ANO3: variants seen among roughly 807,000 people sequenced by gnomAD.
ANO3 encodes anoctamin-3.
Under a neutral mutation model 144.8 loss-of-function variants are expected in ANO3, and 99 were observed. That is an observed-to-expected ratio of 0.68 (90% CI 0.58 to 0.81). ANO3 has a LOEUF of 0.81. ANO3 is among the 30% of genes least tolerant of loss of function. ANO3 has a pLI of 0.00. For synonymous variants in ANO3, 414 were observed against 392.6 expected (o/e 1.05, Z -0.64); for missense variants, 905 against 1,202.2 (o/e 0.75, Z 3.66).
chr11:26,494,810 T>A (rs1180179955), intron 4 of ANO3, among the ~76,000 whole-genome samples: 1 of 152,138 alleles, frequency 6.6e-6, no homozygotes, highest in East Asian at 1.9e-4. Flanking sequence ...ACACGTGAGC[T>A]CCAGGAGATC....
intron 1 of ANO3, among the ~76,000 whole-genome samples, chr11:26,250,947 T>C (rs1455315316): frequency 6.6e-6 from 1 of 152,186 alleles, no homozygotes; most frequent in Non-Finnish European, 1.5e-5. Context: ...GGCTAAATCA[T>C]CTAGCAACAT....
intron 14 of ANO3, chr11:26,561,047 G>A (rs767780292): frequency 1.4e-5 from 23 of 1,596,258 alleles, no homozygotes; most frequent in Middle Eastern, 1.7e-4. Context: ...GCTGTTTAAC[G>A]CCTTTTTGCT....
intron 1 of ANO3, among the ~76,000 whole-genome samples, chr11:26,299,946 A>G (rs961756600): frequency 1.2e-4 from 18 of 152,114 alleles, no homozygotes; most frequent in Admixed American, 6.5e-4. Flanking sequence ...GCTAAGAGTG[A>G]GATATAGGGA....
At chr11:26,222,815 G>A (rs1486124558) in intron 1 of ANO3, among the ~76,000 whole-genome samples, 1 of 152,218 alleles carries the variant, frequency 6.6e-6, no homozygotes, top group African/African-American at 2.4e-5. Flanking sequence ...GTGGGGATGA[G>A]CCTCTCAGGG....
chr11:26,417,855 AAAGTT>A (rs1027728509), intron 1 of ANO3, among the ~76,000 whole-genome samples: 1 of 152,028 alleles, frequency 6.6e-6, no homozygotes, highest in African/African-American at 2.4e-5. Flanking sequence ...CAAAAATAAT[AAAGTT>A]AATAGGGACA....
intron 14 of ANO3, among the ~76,000 whole-genome samples, chr11:26,597,657 G>A (rs1047794136): frequency 7.9e-5 from 12 of 152,116 alleles, no homozygotes; most frequent in Admixed American, 7.9e-4. Context: ...CAATGGGAGG[G>A]GACCCAAAGA....
chr11:26,656,072 A>C, intron 24 of ANO3, 53 bp from the exon 25 acceptor site: 1 of 1,335,724 alleles, frequency 7.5e-7, no homozygotes, highest in African/African-American at 1.5e-5. Context: ...TAAAATAATT[A>C]GGCTAGAAAC....
upstream of ANO3, chr11:26,332,075 C>T: frequency 1.4e-6 from 2 of 1,434,080 alleles, no homozygotes; most frequent in Non-Finnish European, 1.8e-6. Flanking sequence ...GGGAGCCGGA[C>T]GCTAGACCGC....
chr11:26,530,182 A>G (rs1022789796), intron 7 of ANO3, among the ~76,000 whole-genome samples: 5 of 152,144 alleles, frequency 3.3e-5, no homozygotes, highest in African/African-American at 7.2e-5. Context: ...CCAATTTACA[A>G]CTCTCCAGCA....
intron 1 of ANO3, among the ~76,000 whole-genome samples, chr11:26,420,144 G>A (rs934369306): frequency 1.2e-4 from 18 of 152,032 alleles, no homozygotes; most frequent in Admixed American, 5.3e-4. Flanking sequence ...AGGGCTGAAT[G>A]TATATTGTTG....
intron 4 of ANO3, among the ~76,000 whole-genome samples, chr11:26,494,550 C>T (rs1397591972): frequency 6.6e-6 from 1 of 152,116 alleles, no homozygotes; most frequent in Admixed American, 6.5e-5. Context: ...TTCCACTTAC[C>T]TTAGAGGAAA....
intron 1 of ANO3, among the ~76,000 whole-genome samples, chr11:26,367,498 C>G (rs1327455327): frequency 6.6e-6 from 1 of 152,100 alleles, no homozygotes; most frequent in African/African-American, 2.4e-5. Flanking sequence ...TCCAAACTTT[C>G]CCTCATCTGT....
At chr11:26,564,690 T>TACAC (rs1565108459) in intron 14 of ANO3, among the ~76,000 whole-genome samples, 2 of 18,676 alleles carry the variant, frequency 1.1e-4, no homozygotes, top group East Asian at 2.3e-3. Context: ...TACTCATATA[T>TACAC]ATACACACAC....
chr11:26,472,492 A>C (rs1407255917), intron 4 of ANO3, among the ~76,000 whole-genome samples: 1 of 151,936 alleles, frequency 6.6e-6, no homozygotes, highest in Non-Finnish European at 1.5e-5. Flanking sequence ...AGGAGGAGGC[A>C]GGAATTATAT....
intron 3 of ANO3, among the ~76,000 whole-genome samples, chr11:26,444,503 C>T (rs527244726): frequency 1.3e-5 from 2 of 152,322 alleles, no homozygotes; most frequent in Admixed American, 6.5e-5. Flanking sequence ...GTAGATACAT[C>T]GGTGGCCAGG....
chr11:26,535,880 G>A (rs981712591), intron 9 of ANO3, among the ~76,000 whole-genome samples: 40 of 151,832 alleles, frequency 2.6e-4, no homozygotes, highest in African/African-American at 9.7e-4. Flanking sequence ...ACTGTGCCCG[G>A]CTGATAGCCA....
At chr11:26,621,760 T>C (rs927877076) in intron 17 of ANO3, among the ~76,000 whole-genome samples, 6 of 152,194 alleles carry the variant, frequency 3.9e-5, no homozygotes, top group African/African-American at 1.4e-4. Context: ...TAGAAATTTA[T>C]AATGAATATA....
In ANO3 at chr11:26,451,158, G is replaced by A. The variant is rs140872837; in HGVS notation, c.313+7322G>A. 9.5e-3 allele frequency among the ~76,000 whole-genome samples: 1,445 copies of A among 152,260 alleles called. 8 individuals are homozygous for A. Among genetic ancestry groups the A allele is most frequent in the Middle Eastern group, 0.027 (8 of 294 alleles). Reference sequence around the variant, plus strand: ...GTCTACAGATCCCAGCCTGAGCGACGCAGAAGACAGGTGATTTCTGCATTT... The same window carrying A: ...GTCTACAGATCCCAGCCTGAGCGACACAGAAGACAGGTGATTTCTGCATTT... On this transcript the variant is annotated intron_variant, in intron 3 of 26. Coordinates refer to ENST00000256737, the MANE Select transcript of ANO3 (RefSeq NM_031418.4).
intron 4 of ANO3, among the ~76,000 whole-genome samples, chr11:26,476,932 TGAGAGA>T (rs34338490): frequency 2.7e-4 from 36 of 134,030 alleles, no homozygotes; most frequent in South Asian, 5.0e-4. Context: ...TGTGTGTGTG[TGAGAGA>T]GAGAGAGAGA....
Sources: allele counts gnomAD v4.1 joint callset (sites outside exome capture counted in the v4.1 genomes callset), GRCh38; gene constraint gnomAD v4.1.1; transcripts MANE v1.5; gene names NCBI Gene and HGNC (gene_info 2026-07-23, HGNC 2026-07-21).